Variants in CRY1 observed in about 807,000 individuals in gnomAD.
CRY1 encodes the protein cryptochrome circadian regulator 1, also known as cryptochrome-1.
A neutral mutation model predicts 76.0 loss-of-function variants in CRY1; 45 were observed. The ratio of observed to expected loss-of-function variants is 0.59; its 90% CI spans 0.47 to 0.76. CRY1 has a LOEUF of 0.76. CRY1 is among the 30% of genes least tolerant of loss of function. CRY1 has a pLI of 0.00. For synonymous variants in CRY1, 248 were observed against 244.0 expected (o/e 1.02, Z -0.15); for missense variants, 587 against 716.4 (o/e 0.82, Z 2.06).
rs777901623 is a variant in CRY1, at chr12:107,005,251, A to G, written c.268-3T>C. On this transcript the variant is annotated splice_polypyrimidine_tract_variant and splice_region_variant and intron_variant, in intron 2 of 12. Coordinates refer to ENST00000008527, the MANE Select transcript of CRY1 (RefSeq NM_004075.5). Reference sequence around the variant, plus strand: ...GAAAGTTTAGTAATGTTCCATTCCTAAAGTAAGAGAAAGGGGAACAATGTA... The same window carrying G: ...GAAAGTTTAGTAATGTTCCATTCCTGAAGTAAGAGAAAGGGGAACAATGTA... 1.9e-6 allele frequency: 3 copies of G among 1,606,616 alleles called. No homozygotes were observed. Among genetic ancestry groups the G allele is most frequent in the African/African-American group, 2.7e-5 (2 of 74,660 alleles).
chr12:107,022,182 G>A lies in CRY1; in HGVS notation c.169C>T (p.Gln57Ter). 1.3e-6 allele frequency: 2 copies of A among 1,573,474 alleles called. No individual in the cohort carries two copies. The highest frequency in any genetic ancestry group is 1.7e-6 in the Non-Finnish European group (2 of 1,157,632). ...VGINRWRFLL[Q>*]CLEDLDANLR... is the part of the protein sequence containing the mutation. ...TTGGCATCAAGATCCTCAAGACACT[G>A]AAGCAAAAATCTAGAGAGAAGAAAG... is the stretch of plus-strand genomic sequence containing the variant. The change falls in exon 2 of 13, where the codon CAG becomes TAG. Residue 57 changes from glutamine to a stop codon, truncating the protein, a stop_gained. Transcript: ENST00000008527. LOFTEE classifies it high-confidence loss of function.
intron 1 of CRY1, among the ~76,000 whole-genome samples, chr12:107,052,096 T>C (rs962710867): frequency 2.0e-5 from 3 of 152,124 alleles, no homozygotes; most frequent in African/African-American, 7.2e-5. Context: ...CACGAGGTTT[T>C]TCTAACGGTT....
rs1593494697 is a variant in CRY1 at position 107,001,776 on chromosome 12, G to C, written c.583C>G (p.Leu195Val). Residue 195 changes from leucine to valine, a missense_variant, in exon 4 of 13, where the codon CTG (leucine) becomes GTG (valine). By Grantham distance (32) the Leu-to-Val change is conservative. Transcript: ENST00000008527. ...DHDEKYGVPS[L>V]EELGFDTDGL... ...AGTTTACACTCACCTAGCTCTTCCA[G>C]TGAAGGGACTCCATATTTCTCATCA... The C allele has an allele frequency of 1.3e-6, 2 of 1,556,298 alleles. No individual in the cohort carries two copies. The highest frequency in any genetic ancestry group is 1.7e-6 in the Non-Finnish European group (2 of 1,163,560).
intron 1 of CRY1, among the ~76,000 whole-genome samples, chr12:107,059,204 T>C (rs1265600261): frequency 1.3e-5 from 2 of 152,208 alleles, no homozygotes; most frequent in East Asian, 3.8e-4. Flanking sequence ...TAATGTAAGT[T>C]ACAACCCCCC....
chr12:107,026,145 CATAT>C (rs1468272072), intron 1 of CRY1, among the ~76,000 whole-genome samples: 5 of 66,032 alleles, frequency 7.6e-5, no homozygotes, highest in African/African-American at 2.3e-4. Flanking sequence ...ATATATATTA[CATAT>C]ATATATAAAA....
chr12:107,017,250 T>G (rs1478420508), intron 2 of CRY1, among the ~76,000 whole-genome samples: 1 of 152,288 alleles, frequency 6.6e-6, no homozygotes, highest in Non-Finnish European at 1.5e-5. Flanking sequence ...TCACTCACTG[T>G]GCTCTAGCAC....
chr12:107,079,783 G>GTT (rs1953300884), intron 1 of CRY1, among the ~76,000 whole-genome samples: 1 of 152,124 alleles, frequency 6.6e-6, no homozygotes, highest in African/African-American at 2.4e-5. Context: ...AGACTAGAAA[G>GTT]AAGCAGAGGG....
At chr12:107,053,393 C>T (rs1340522199) in intron 1 of CRY1, among the ~76,000 whole-genome samples, 2 of 152,034 alleles carry the variant, frequency 1.3e-5, no homozygotes, top group African/African-American at 2.4e-5. Flanking sequence ...CTCAGCTCAC[C>T]ATAACCTCTG....
rs1308244049 is a variant in CRY1, at chr12:107,093,012, C to T, written c.-51G>A. ...CGGAGAAATTCAAGGAAGGAGGCTC[C>T]GGCTCATAGCCGACACCTTCGCTTC... On this transcript the variant is annotated 5_prime_UTR_variant, in exon 1 of 13. Transcript: ENST00000008527. 1 of 1,463,954 alleles carries T rather than the reference C, an allele frequency of 6.8e-7. No individual in the cohort carries two copies. Among genetic ancestry groups the T allele is most frequent in the South Asian group, 1.4e-5 (1 of 70,098 alleles). 90.7% of individuals were successfully genotyped at this position (1,463,954 alleles called of 1,614,324 possible). A position where few individuals can be genotyped will look rare whatever the true frequency, so the allele number is the denominator to read the frequency against.
intron 1 of CRY1, among the ~76,000 whole-genome samples, chr12:107,045,402 G>A (rs1013795194): frequency 6.6e-6 from 1 of 152,148 alleles, no homozygotes; most frequent in African/African-American, 2.4e-5. Flanking sequence ...GCTCATGCTC[G>A]TAATCCCAGC....
At chr12:107,011,463 T>G (rs1952442992) in intron 2 of CRY1, among the ~76,000 whole-genome samples, 1 of 151,596 alleles carries the variant, frequency 6.6e-6, no homozygotes, top group South Asian at 2.1e-4. Flanking sequence ...TGAAGGAAAT[T>G]AAAAGTGCTA....
chr12:107,054,447 T>C (rs1952959780), intron 1 of CRY1, among the ~76,000 whole-genome samples: 1 of 151,034 alleles, frequency 6.6e-6, no homozygotes, highest in African/African-American at 2.4e-5. Context: ...AACAACAGAA[T>C]TTAAAAGAAT....
intron 1 of CRY1, among the ~76,000 whole-genome samples, chr12:107,045,573 C>T (rs949692877): frequency 1.3e-5 from 2 of 152,208 alleles, no homozygotes; most frequent in Admixed American, 6.5e-5. Context: ...CTTGCCCATG[C>T]CTATGTCCCG....
chr12:107,026,291 G>C (rs1952615309), intron 1 of CRY1, among the ~76,000 whole-genome samples: 1 of 149,128 alleles, frequency 6.7e-6, no homozygotes, highest in Admixed American at 6.7e-5. Flanking sequence ...GAGTGCAGTG[G>C]CACGATCTCA....
chr12:107,028,150 T>C (rs1354682013), intron 1 of CRY1, among the ~76,000 whole-genome samples: 1 of 152,134 alleles, frequency 6.6e-6, no homozygotes, highest in Non-Finnish European at 1.5e-5. Flanking sequence ...AAAACTAAAG[T>C]TCTGTATACA....
chr12:106,994,179 A>T (rs1952209139), intron 10 of CRY1, among the ~76,000 whole-genome samples: 1 of 152,222 alleles, frequency 6.6e-6, no homozygotes, highest in Admixed American at 6.5e-5. Context: ...ATGCTTTAGA[A>T]GCATTTAAGT....
chr12:107,022,631 G>C (rs2136845855), intron 1 of CRY1, among the ~76,000 whole-genome samples: 1 of 151,240 alleles, frequency 6.6e-6, no homozygotes, highest in African/African-American at 2.4e-5. Context: ...GAATAAGCAA[G>C]TGAATAATTT....
At chr12:107,029,863 A>G (rs1199007401) in intron 1 of CRY1, among the ~76,000 whole-genome samples, 10 of 152,216 alleles carry the variant, frequency 6.6e-5, no homozygotes, top group Non-Finnish European at 1.5e-5. Context: ...ATACAAATAG[A>G]TATCACTAAT....
At position 107,092,871 on chromosome 12, in the gene CRY1, T is replaced by C. The variant is rs200691319; in HGVS notation, c.91A>G (p.Ile31Val). 5.3e-5 allele frequency: 86 copies of C among 1,610,686 alleles called. No homozygotes were observed. The Admixed American group carries it at 8.0e-4, about 15-fold the overall frequency. ...GGGTCCAGGATGTAGACGCAGCGGA[T>C]GGTGTCGGCGCCCTGAATGCACTCC... ...LKECIQGADT[I>V]RCVYILDPWF... The change falls in exon 1 of 13, where the codon ATC becomes GTC. Residue 31 changes from isoleucine (I) to valine (V), a missense_variant. Physicochemically the swap from Ile to Val is conservative, Grantham distance 29 (BLOSUM62 3). Transcript: ENST00000008527.
Sources: allele counts gnomAD v4.1 joint callset (sites outside exome capture counted in the v4.1 genomes callset), GRCh38; gene constraint gnomAD v4.1.1; transcripts MANE v1.5; gene names NCBI Gene and HGNC (gene_info 2026-07-23, HGNC 2026-07-21).